Variants in CCDC171 observed in about 807,000 individuals in gnomAD.
CCDC171 encodes the protein coiled-coil domain containing 171, also known as coiled-coil domain-containing protein 171.
CCDC171 carries 177 observed loss-of-function variants against 168.2 expected under a neutral mutation model. The observed-to-expected ratio is 1.05, with a 90% confidence interval of 0.93 to 1.19. CCDC171 has a LOEUF of 1.19. Ranked by LOEUF, CCDC171 falls within the 50% of genes most tolerant of loss-of-function variation. The probability of loss-of-function intolerance (pLI) is 0.00; values close to 1 mark genes in which losing one functional copy is unlikely to be tolerated. For synonymous variants in CCDC171, 687 were observed against 540.8 expected, an observed-to-expected ratio of 1.27 and a Z score of -3.75; for missense variants, 1,991 against 1,539.0, an observed-to-expected ratio of 1.29 and a Z score of -4.91.
Position 15,701,976 on chromosome 9 carries a change from A to G in CCDC171, c.1318+6639A>G, listed in dbSNP as rs540562840. On this transcript the variant is annotated intron_variant, in intron 11 of 25. Coordinates refer to ENST00000380701, the MANE Select transcript of CCDC171 (RefSeq NM_173550.4). Reference sequence around the variant, plus strand: ...TGGCAGCTATAGCCTTATGAAATGTATTTATTAAATGATAAGACTTGAAAG... The same window carrying G: ...TGGCAGCTATAGCCTTATGAAATGTGTTTATTAAATGATAAGACTTGAAAG... Among the ~76,000 whole-genome samples, 176 of 152,334 alleles carry G rather than the reference A, an allele frequency of 1.2e-3. 1 individual carries two copies. The highest frequency in any genetic ancestry group is 4.1e-3 in the African/African-American group (172 of 41,566).
rs539054456 is a variant in CCDC171 at position 15,556,980 on chromosome 9, C to A, written c.-112+3678C>A. On this transcript the variant is annotated intron_variant, in intron 1 of 25. Coordinates refer to ENST00000380701, the MANE Select transcript of CCDC171 (RefSeq NM_173550.4). ...ATATGGCTAGCCAGTTTTCCCAACA[C>A]CATTTATTAAATAGGGAATCCTTTC... Among the ~76,000 whole-genome samples, 8 of 152,262 alleles carry A rather than the reference C, an allele frequency of 5.3e-5. No homozygotes were observed. In the East Asian group the frequency reaches 1.5e-3, roughly 29 times the overall value.
chr9:15,691,661 T>C (rs941827873), intron 10 of CCDC171, among the ~76,000 whole-genome samples: 1 of 151,286 alleles, frequency 6.6e-6, no homozygotes, highest in African/African-American at 2.4e-5. Context: ...TTTAGACTTA[T>C]TTATGTTGTA....
intron 1 of CCDC171, among the ~76,000 whole-genome samples, chr9:16,046,794 A>G (rs957237316): frequency 6.6e-6 from 1 of 152,208 alleles, no homozygotes; most frequent in Admixed American, 6.5e-5. Context: ...CTCCCCAGCC[A>G]CGTGGAGCTG....
At chr9:15,673,877 A>G (rs2049312487) in intron 9 of CCDC171, among the ~76,000 whole-genome samples, 1 of 152,156 alleles carries the variant, frequency 6.6e-6, no homozygotes, top group Non-Finnish European at 1.5e-5. Context: ...TGAGTTAAGG[A>G]GGATTCCCTC....
intron 3 of CCDC171, among the ~76,000 whole-genome samples, chr9:16,002,886 C>A (rs919816489): frequency 6.6e-6 from 1 of 152,168 alleles, no homozygotes; most frequent in Non-Finnish European, 1.5e-5. Flanking sequence ...AGTACAGTAA[C>A]ATGCTGTAAA....
chr9:16,008,740 T>C (rs1832777941), intron 3 of CCDC171, among the ~76,000 whole-genome samples: 1 of 152,168 alleles, frequency 6.6e-6, no homozygotes. Flanking sequence ...TACAGTAACA[T>C]CTAACACCAT....
chr9:16,000,462 A>T (rs1487347453), intron 3 of CCDC171, among the ~76,000 whole-genome samples: 1 of 152,156 alleles, frequency 6.6e-6, no homozygotes, highest in Non-Finnish European at 1.5e-5. Context: ...GGTAGAAAAA[A>T]ATTTTAATCA....
chr9:15,936,397 C>G (rs779060846), intron 25 of CCDC171, among the ~76,000 whole-genome samples: 4 of 151,884 alleles, frequency 2.6e-5, no homozygotes, highest in Admixed American at 6.6e-5. Flanking sequence ...GTTCTCTAAT[C>G]ATCACCAGCA....
chr9:15,899,802 T>C (rs1021643726), intron 24 of CCDC171, among the ~76,000 whole-genome samples: 2 of 152,194 alleles, frequency 1.3e-5, no homozygotes, highest in African/African-American at 4.8e-5. Context: ...CTCTGTCATT[T>C]ACTCTTTGTG....
chr9:15,627,640 C>G (rs538765108), intron 7 of CCDC171, among the ~76,000 whole-genome samples: 9 of 152,184 alleles, frequency 5.9e-5, no homozygotes, highest in African/African-American at 2.2e-4. Context: ...GAATGAGTTT[C>G]TTAATCCTGA....
chr9:15,558,170 G>C, intron 1 of CCDC171, among the ~76,000 whole-genome samples: 1 of 151,862 alleles, frequency 6.6e-6, no homozygotes, highest in Non-Finnish European at 1.5e-5. Context: ...TTGCATCAAT[G>C]TTCATCAGGG....
intron 9 of CCDC171, among the ~76,000 whole-genome samples, chr9:15,672,158 G>C (rs1313065748): frequency 2.0e-5 from 3 of 152,154 alleles, no homozygotes; most frequent in Non-Finnish European, 2.9e-5. Flanking sequence ...CTTTTGAGTA[G>C]TGTCTGTTCA....
intron 24 of CCDC171, among the ~76,000 whole-genome samples, chr9:15,879,803 C>T (rs2105313): frequency 8.6e-5 from 13 of 151,604 alleles, no homozygotes; most frequent in Admixed American, 2.6e-4. Flanking sequence ...TACATTTTTT[C>T]ATTATTCTCT....
At chr9:15,942,119 T>A (rs1017796137) in intron 25 of CCDC171, among the ~76,000 whole-genome samples, 4 of 152,072 alleles carry the variant, frequency 2.6e-5, no homozygotes, top group South Asian at 4.1e-4. Context: ...ATAACATTAA[T>A]TGTATCATAT....
chr9:15,913,691 G>A (rs796585176), intron 24 of CCDC171, among the ~76,000 whole-genome samples: 8 of 152,244 alleles, frequency 5.3e-5, no homozygotes, highest in African/African-American at 9.6e-5. Flanking sequence ...CCTTGCTGGC[G>A]AGGAGTTGTG....
At chr9:16,007,119 CCTTT>C (rs1323292698) in intron 3 of CCDC171, among the ~76,000 whole-genome samples, 2 of 152,182 alleles carry the variant, frequency 1.3e-5, no homozygotes, top group Non-Finnish European at 2.9e-5. Flanking sequence ...TTAATGATCG[CCTTT>C]CTAACTGCTA....
intron 18 of CCDC171, among the ~76,000 whole-genome samples, chr9:15,748,266 A>C (rs1445570036): frequency 6.6e-6 from 1 of 152,202 alleles, no homozygotes; most frequent in Non-Finnish European, 1.5e-5. Flanking sequence ...AGAAGACAAG[A>C]TTAGAGAAAA....
intron 15 of CCDC171, among the ~76,000 whole-genome samples, chr9:15,728,703 A>C (rs1283524484): frequency 6.6e-6 from 1 of 152,144 alleles, no homozygotes; most frequent in Non-Finnish European, 1.5e-5. Flanking sequence ...TTAGCAGATC[A>C]ACATATGCCA....
chr9:16,056,506 G>C (rs190246095), intron 1 of CCDC171, among the ~76,000 whole-genome samples: 1 of 152,074 alleles, frequency 6.6e-6, no homozygotes, highest in Non-Finnish European at 1.5e-5. Context: ...TTTTGTTTTC[G>C]AGATGGAGTC....
Sources: allele counts gnomAD v4.1 joint callset (sites outside exome capture counted in the v4.1 genomes callset), GRCh38; gene constraint gnomAD v4.1.1; transcripts MANE v1.5; gene names NCBI Gene and HGNC (gene_info 2026-07-23, HGNC 2026-07-21).